The following BMAL1 variants were observed in gnomAD, a reference collection of about 807,000 sequenced individuals.
BMAL1 encodes the protein basic helix-loop-helix ARNT-like protein 1.
the BMAL1 span, among the ~76,000 whole-genome samples, chr11:13,330,646 C>G: frequency 6.6e-6 from 1 of 152,330 alleles, no homozygotes; most frequent in East Asian, 1.9e-4. Context: ...AAAAGTTCTT[C>G]CCTGTCTAAA....
the BMAL1 span, among the ~76,000 whole-genome samples, chr11:13,299,382 C>T: frequency 6.6e-6 from 1 of 151,988 alleles, no homozygotes; most frequent in South Asian, 2.1e-4. Flanking sequence ...CTTGAGCTGG[C>T]CTGTAAGGGA....
the BMAL1 span, among the ~76,000 whole-genome samples, chr11:13,346,584 G>T: frequency 3.7e-4 from 57 of 152,324 alleles, no homozygotes; most frequent in African/African-American, 1.3e-3. Context: ...AGGCTGGGCT[G>T]TGACTTCTCT....
At chr11:13,355,118 C>G in the BMAL1 span, 1 of 953,344 alleles carries the variant, frequency 1.0e-6, no homozygotes, top group African/African-American at 1.6e-5. Context: ...GCCGAAGCAC[C>G]TGCGTGGAAT....
the BMAL1 span, among the ~76,000 whole-genome samples, chr11:13,335,510 G>T: frequency 1.3e-5 from 2 of 152,212 alleles, no homozygotes; most frequent in Middle Eastern, 3.2e-3. Context: ...ACTGGGGGAA[G>T]AGGGGAAGGC....
the BMAL1 span, chr11:13,386,639 A>G: frequency 6.2e-7 from 1 of 1,614,146 alleles, no homozygotes; most frequent in Non-Finnish European, 8.5e-7. Flanking sequence ...ACAACGACCA[A>G]GGATCAAGTA....
the BMAL1 span, chr11:13,360,297 AT>A: frequency 6.5e-7 from 1 of 1,541,508 alleles, no homozygotes; most frequent in Non-Finnish European, 8.9e-7. Context: ...AGAATGAGAC[AT>A]TTTCTGAATA....
chr11:13,374,037 T>A, the BMAL1 span: 2 of 1,501,916 alleles, frequency 1.3e-6, no homozygotes, highest in Non-Finnish European at 1.8e-6. Context: ...ATTGCAAAGT[T>A]GCAATTAATC....
At chr11:13,381,237 T>C in the BMAL1 span, 2 of 1,614,090 alleles carry the variant, frequency 1.2e-6, no homozygotes, top group Non-Finnish European at 8.5e-7. Context: ...TGATGCCTCT[T>C]CTCCAGGAGG....
chr11:13,350,216 A>C, the BMAL1 span: 1 of 152,208 alleles, frequency 6.6e-6, no homozygotes, highest in Non-Finnish European at 1.5e-5. Context: ...TTGGCTGGTC[A>C]AAAAAGGGAG....
the BMAL1 span, among the ~76,000 whole-genome samples, chr11:13,304,141 G>C: frequency 2.1e-3 from 314 of 152,222 alleles, 2 homozygotes; most frequent in South Asian, 5.6e-3. Context: ...GACAGGATCT[G>C]AGGCACGTCT....
the BMAL1 span, among the ~76,000 whole-genome samples, chr11:13,339,430 T>TACACACACACACACACACAC: frequency 2.5e-3 from 357 of 144,272 alleles, 1 homozygote; most frequent in African/African-American, 8.8e-3. Context: ...GCCCTGCTTT[T>TACACACACACACACACACAC]ACACACACAC....
At chr11:13,356,722 C>A in the BMAL1 span, 2 of 1,614,038 alleles carry the variant, frequency 1.2e-6, no homozygotes, top group South Asian at 1.1e-5. Context: ...CAGTCACATT[C>A]TCTTTTGTTT....
the BMAL1 span, among the ~76,000 whole-genome samples, chr11:13,315,945 C>T: frequency 6.6e-6 from 1 of 152,196 alleles, no homozygotes; most frequent in African/African-American, 2.4e-5. Context: ...TGGCCGTCAC[C>T]CTCACTTCCA....
chr11:13,369,385 A>G, the BMAL1 span, among the ~76,000 whole-genome samples: 1 of 152,214 alleles, frequency 6.6e-6, no homozygotes, highest in South Asian at 2.1e-4. Flanking sequence ...TCATCCCCAG[A>G]GTACCTAATC....
At chr11:13,381,051 T>C in the BMAL1 span, 2 of 1,096,150 alleles carry the variant, frequency 1.8e-6, no homozygotes, top group Non-Finnish European at 1.4e-6. Context: ...CAGAAAAAGC[T>C]TGCCAAACCC....
chr11:13,345,924 G>A, the BMAL1 span, among the ~76,000 whole-genome samples: 2 of 152,168 alleles, frequency 1.3e-5, no homozygotes, highest in East Asian at 3.9e-4. Flanking sequence ...GTAGTGACTA[G>A]GGGACCAACC....
the BMAL1 span, among the ~76,000 whole-genome samples, chr11:13,350,411 A>G: frequency 6.6e-6 from 1 of 152,220 alleles, no homozygotes; most frequent in African/African-American, 2.4e-5. Flanking sequence ...TAATCATGAA[A>G]TACTTCTTGA....
At chr11:13,338,912 T>C in the BMAL1 span, among the ~76,000 whole-genome samples, 2 of 152,250 alleles carry the variant, frequency 1.3e-5, no homozygotes, top group African/African-American at 4.8e-5. Flanking sequence ...GGCAGGTGAC[T>C]GCTCTGTTTC....
At chr11:13,355,248 C>A in the BMAL1 span, 2 of 1,613,708 alleles carry the variant, frequency 1.2e-6, no homozygotes, top group South Asian at 2.2e-5. Flanking sequence ...ATTTGGGGAG[C>A]ACAATGGCTG....
Sources: gnomAD v4.1 joint callset for allele counts (sites outside exome capture counted in the v4.1 genomes callset) on GRCh38, gnomAD v4.1.1 for gene constraint, MANE v1.5 for transcripts, NCBI Gene and HGNC (gene_info 2026-07-23, HGNC 2026-07-21) for gene names.